Variants in ADARB2 observed in about 807,000 individuals in gnomAD.
ADARB2 encodes the protein inactive double-stranded RNA-specific editase B2.
Under a neutral mutation model 62.2 loss-of-function variants are expected in ADARB2, and 25 were observed. The observed-to-expected ratio is 0.40, with a 90% confidence interval of 0.29 to 0.56. ADARB2 has a LOEUF of 0.56. ADARB2 is among the 20% of genes least tolerant of loss of function. The pLI, the probability that ADARB2 is intolerant of heterozygous loss-of-function variation, is 0.43. For missense variants in ADARB2, 1,071 were observed against 1,077.4 expected, an observed-to-expected ratio of 0.99 and a Z score of 0.08; for synonymous variants, 572 against 500.8, an observed-to-expected ratio of 1.14 and a Z score of -1.90.
chr10:1,633,017 C>T (rs548784263), intron 1 of ADARB2, among the ~76,000 whole-genome samples: 39 of 152,238 alleles, frequency 2.6e-4, no homozygotes, highest in Admixed American at 2.1e-3. Context: ...CAGGGTGGAT[C>T]GCCTCTGCTG....
chr10:1,266,501 T>TGGTGGGG (rs1208388228), intron 4 of ADARB2, among the ~76,000 whole-genome samples: 1 of 13,818 alleles, frequency 7.2e-5, no homozygotes, highest in Non-Finnish European at 1.5e-4. Context: ...ATTGGCGCTG[T>TGGTGGGG]GGTGGGGGGT....
chr10:1,457,379 C>T (rs909392535), intron 1 of ADARB2, among the ~76,000 whole-genome samples: 1 of 152,060 alleles, frequency 6.6e-6, no homozygotes, highest in Non-Finnish European at 1.5e-5. Flanking sequence ...CTTTAAGGTG[C>T]CTTCTCATCT....
intron 8 of ADARB2, among the ~76,000 whole-genome samples, chr10:1,190,508 T>C (rs984216827): frequency 6.6e-6 from 1 of 152,226 alleles, no homozygotes; most frequent in Non-Finnish European, 1.5e-5. Flanking sequence ...GCTACATGTG[T>C]TGGCTTAAAA....
chr10:1,366,067 G>T (rs565617393), intron 2 of ADARB2, among the ~76,000 whole-genome samples: 1 of 152,308 alleles, frequency 6.6e-6, no homozygotes, highest in South Asian at 2.1e-4. Flanking sequence ...TATTCTTCAT[G>T]CAGCCATGCG....
chr10:1,468,955 G>C (rs4880509), intron 1 of ADARB2, among the ~76,000 whole-genome samples: 73,923 of 152,146 alleles, frequency 0.49, 18,197 homozygotes, highest in Admixed American at 0.57. Context: ...TTAGAACGTC[G>C]GGGTGTCTTG....
At chr10:1,208,573 G>A (rs767723674) in intron 7 of ADARB2, among the ~76,000 whole-genome samples, 7 of 152,224 alleles carry the variant, frequency 4.6e-5, no homozygotes, top group East Asian at 1.9e-4. Flanking sequence ...GGCCCTGGGC[G>A]GACTGAGGTG....
At chr10:1,536,363 T>A (rs1367349270) in intron 1 of ADARB2, among the ~76,000 whole-genome samples, 2 of 152,236 alleles carry the variant, frequency 1.3e-5, no homozygotes, top group Non-Finnish European at 2.9e-5. Context: ...CCTTGAGAAC[T>A]GAGAAATAAA....
At position 1,279,458 on chromosome 10, in the gene ADARB2, G is replaced by C. The variant is rs187598239; in HGVS notation, c.1078-8389C>G. Among the ~76,000 whole-genome samples the C allele has an allele frequency of 2.1e-3, 324 of 152,326 alleles. 5 individuals are homozygous for C. The highest frequency in any genetic ancestry group is 0.02 in the Admixed American group (301 of 15,304). ...AGCCTGCCAAGTAGTTGGGACCGCA[G>C]ACACAGGGTGCCATACCTGGCTAAT... On this transcript the variant is annotated intron_variant, in intron 3 of 9. Coordinates refer to ENST00000381312, the MANE Select transcript of ADARB2 (RefSeq NM_018702.4).
chr10:1,598,673 G>A (rs966435084), intron 1 of ADARB2, among the ~76,000 whole-genome samples: 7 of 152,210 alleles, frequency 4.6e-5, no homozygotes, highest in African/African-American at 1.7e-4. Context: ...GGCAGGAGGA[G>A]CCCACAGAAG....
At chr10:1,207,483 T>C (rs1837084733) in intron 7 of ADARB2, among the ~76,000 whole-genome samples, 1 of 152,184 alleles carries the variant, frequency 6.6e-6, no homozygotes, top group South Asian at 2.1e-4. Flanking sequence ...ACATCACTCA[T>C]TTGACCTCAG....
chr10:1,593,928 G>A lies in ADARB2; in HGVS notation c.100+143123C>T, dbSNP rs551596505. ...CTGCCCGGCCCATCTCATGGGATTC[G>A]GAGAGCTGCAGGACCCATAAGAGCC... is the stretch of plus-strand genomic sequence containing the variant. On this transcript the variant is annotated intron_variant, in intron 1 of 9. Coordinates refer to ENST00000381312, the MANE Select transcript of ADARB2 (RefSeq NM_018702.4). Among the ~76,000 whole-genome samples the A allele has an allele frequency of 1.8e-4, 27 of 152,248 alleles. 1 individual carries two copies. In the South Asian group the frequency reaches 4.4e-3, roughly 25 times the overall value.
At chr10:1,302,968 C>G (rs1183175343) in intron 3 of ADARB2, among the ~76,000 whole-genome samples, 1 of 149,184 alleles carries the variant, frequency 6.7e-6, no homozygotes, top group Non-Finnish European at 1.5e-5. Context: ...AAAATCAGAG[C>G]GCCTCTCCTC....
At chr10:1,429,839 C>T (rs1257078692) in intron 1 of ADARB2, among the ~76,000 whole-genome samples, 2 of 152,110 alleles carry the variant, frequency 1.3e-5, no homozygotes, top group Admixed American at 6.5e-5. Context: ...TTCCTCTTCT[C>T]TTTCCCTCCT....
intron 1 of ADARB2, among the ~76,000 whole-genome samples, chr10:1,682,347 C>T (rs539449211): frequency 4.2e-4 from 64 of 152,284 alleles, no homozygotes; most frequent in Non-Finnish European, 7.6e-4. Flanking sequence ...CTGAGGGTCT[C>T]GCCTAGAGGA....
intron 1 of ADARB2, among the ~76,000 whole-genome samples, chr10:1,470,563 C>T (rs1012702268): frequency 6.6e-6 from 1 of 152,202 alleles, no homozygotes; most frequent in Non-Finnish European, 1.5e-5. Flanking sequence ...ATTCTGGGAG[C>T]CCTTTCACAG....
intron 1 of ADARB2, among the ~76,000 whole-genome samples, chr10:1,609,498 T>C (rs1833540543): frequency 6.6e-6 from 1 of 152,172 alleles, no homozygotes; most frequent in African/African-American, 2.4e-5. Flanking sequence ...ACAAATCTGC[T>C]CTCCTGCATG....
chr10:1,411,310 G>T (rs927225133), intron 1 of ADARB2, among the ~76,000 whole-genome samples: 2 of 152,216 alleles, frequency 1.3e-5, no homozygotes, highest in Non-Finnish European at 2.9e-5. Flanking sequence ...GGGGAACACA[G>T]TGCTGCTCCT....
chr10:1,422,232 A>G (rs1661854538), intron 1 of ADARB2, among the ~76,000 whole-genome samples: 1 of 152,254 alleles, frequency 6.6e-6, no homozygotes, highest in South Asian at 2.1e-4. Flanking sequence ...GCCACATAGG[A>G]TATTTCACAG....
chr10:1,480,522 C>T (rs1031397951), intron 1 of ADARB2, among the ~76,000 whole-genome samples: 1 of 152,116 alleles, frequency 6.6e-6, no homozygotes, highest in Non-Finnish European at 1.5e-5. Context: ...CATGGTGAAA[C>T]CCCATCTCTA....
Sources: allele counts gnomAD v4.1 joint callset (sites outside exome capture counted in the v4.1 genomes callset), GRCh38; gene constraint gnomAD v4.1.1; transcripts MANE v1.5; gene names NCBI Gene and HGNC (gene_info 2026-07-23, HGNC 2026-07-21).